The following LMAN1 variants were observed in gnomAD, a reference collection of about 807,000 sequenced individuals.
The protein encoded by LMAN1 is protein ERGIC-53.
Under a neutral mutation model 67.8 loss-of-function variants are expected in LMAN1, and 32 were observed. The observed-to-expected ratio is 0.47, with a 90% CI of 0.36 to 0.63. The LOEUF is 0.63. Among genes scored for constraint, LMAN1 ranks in the 30% least tolerant of loss-of-function variants. LMAN1 has a pLI of 0.00. For missense variants in LMAN1, 632 were observed against 628.2 expected, an observed-to-expected ratio of 1.01 and a Z score of -0.06; for synonymous variants, 235 against 219.3, an observed-to-expected ratio of 1.07 and a Z score of -0.63.
Position 59,329,735 on chromosome 18 carries a change from T to C in LMAN1, c.*1358A>G, listed in dbSNP as rs1355206741. ...TTAGGTCGTTAGCCCAATCTGTAAATGACATTTGAGAGCAAACCTAGGGAG... is the reference window on the plus strand; with the variant it reads ...TTAGGTCGTTAGCCCAATCTGTAAACGACATTTGAGAGCAAACCTAGGGAG... On this transcript the variant is annotated 3_prime_UTR_variant, in exon 13 of 13. Transcript: ENST00000251047. 2 of 152,126 alleles carry C rather than the reference T, an allele frequency of 1.3e-5. No individual in the cohort carries two copies. The highest frequency in any genetic ancestry group is 4.8e-5 in the African/African-American group (2 of 41,414). 9.4% of individuals were successfully genotyped at this position (152,126 alleles called of 1,614,324 possible).
chr18:59,331,193 G>C, intron 12 of LMAN1, 64 bp from the exon 13 acceptor site: 5 of 1,381,840 alleles, frequency 3.6e-6, no homozygotes, highest in Non-Finnish European at 4.1e-6. Flanking sequence ...AAAGAAACAG[G>C]ACTATTTAAA....
rs764842259 is a variant in LMAN1, at chr18:59,338,822, C to T, written c.1087G>A (p.Val363Ile). The T allele has an allele frequency of 5.0e-6, 8 of 1,614,048 alleles. No homozygotes were observed. Among genetic ancestry groups the T allele is most frequent in the South Asian group, 2.2e-5 (2 of 91,076 alleles). ...DMILDEQRRY[V>I]SSLTEEISKR... ...GAGATTTCCTCTGTTAAGGAAGAGA[C>T]ATATCTTCTCTGTTCATCAAGAATC... The change falls in exon 9 of 13, where the codon GTC (valine) becomes ATC (isoleucine). Residue 363 changes from valine to isoleucine, a missense_variant. By Grantham distance (29) the Val-to-Ile change is conservative (BLOSUM62 3). Transcript: ENST00000251047.
rs757682986 is a variant in LMAN1 at position 59,333,152 on chromosome 18, T to C, written c.1313A>G (p.Asp438Gly). ...TACTATGTGCAGGTGCTCTTTGATG[T>C]CAATGAAGTGCTGTGTTGTCTCATA... ...GVYETTQHFIDIKEHLHIVKR... is the reference protein window; with the variant it reads ...GVYETTQHFIGIKEHLHIVKR... Residue 438 changes from aspartate (D) to glycine (G), a missense_variant, in exon 11 of 13, where the codon GAC becomes GGC. Transcript: ENST00000251047. The C allele has an allele frequency of 1.9e-6, 3 of 1,613,666 alleles. No homozygotes were observed. Among genetic ancestry groups the C allele is most frequent in the Non-Finnish European group, 2.5e-6 (3 of 1,179,646 alleles).
chr18:59,336,531 G>C (rs1297665794), intron 10 of LMAN1, among the ~76,000 whole-genome samples: 1 of 152,186 alleles, frequency 6.6e-6, no homozygotes, highest in Non-Finnish European at 1.5e-5. Flanking sequence ...GGAGAGAAAA[G>C]ATAGTTGGTC....
intron 11 of LMAN1, 189 bp from the exon 12 acceptor site, chr18:59,331,728 G>A (rs947025659): frequency 1.7e-6 from 1 of 577,258 alleles, no homozygotes; most frequent in Non-Finnish European, 3.0e-6. Flanking sequence ...ACACTGGAAG[G>A]CCTCCACCTT....
At chr18:59,357,629 C>CT (rs1908689233) in intron 1 of LMAN1, among the ~76,000 whole-genome samples, 1 of 152,156 alleles carries the variant, frequency 6.6e-6, no homozygotes, top group African/African-American at 2.4e-5. Context: ...CTGCACTCTA[C>CT]TTCAACTACT....
intron 10 of LMAN1, among the ~76,000 whole-genome samples, chr18:59,337,358 T>A (rs1307003853): frequency 6.6e-6 from 1 of 151,972 alleles, no homozygotes; most frequent in Non-Finnish European, 1.5e-5. Flanking sequence ...AATAACTAAA[T>A]GTAATGTGCG....
chr18:59,332,888 A>G (rs755061385), intron 11 of LMAN1, among the ~76,000 whole-genome samples: 3 of 152,196 alleles, frequency 2.0e-5, no homozygotes, highest in Admixed American at 6.5e-5. Context: ...TTAAAAAACC[A>G]TGACTGCTAT....
chr18:59,345,501 T>C (rs917872894), intron 8 of LMAN1, among the ~76,000 whole-genome samples: 2 of 152,218 alleles, frequency 1.3e-5, no homozygotes, highest in African/African-American at 4.8e-5. Flanking sequence ...TATAAGGTAA[T>C]TATGTGTCAC....
At chr18:59,347,424 C>G (rs1439846154) in intron 7 of LMAN1, 89 bp downstream of exon 7, 2 of 722,330 alleles carry the variant, frequency 2.8e-6, no homozygotes, top group Non-Finnish European at 4.4e-6. Flanking sequence ...CTGGCAGAAA[C>G]AAGATCCAAA....
At chr18:59,354,110 T>A (rs1246255586) in intron 4 of LMAN1, among the ~76,000 whole-genome samples, 1 of 152,178 alleles carries the variant, frequency 6.6e-6, no homozygotes, top group Non-Finnish European at 1.5e-5. Flanking sequence ...AGTCTTTAAA[T>A]AACACAATAT....
chr18:59,336,875 C>A (rs191586677), intron 10 of LMAN1, among the ~76,000 whole-genome samples: 1 of 151,664 alleles, frequency 6.6e-6, no homozygotes, highest in African/African-American at 2.4e-5. Context: ...CAGAGCTAGA[C>A]CCTGTCTCAA....
intron 10 of LMAN1, among the ~76,000 whole-genome samples, chr18:59,335,949 T>C (rs1468253876): frequency 6.6e-6 from 1 of 152,248 alleles, no homozygotes; most frequent in East Asian, 1.9e-4. Flanking sequence ...AAATATGTTA[T>C]AGATACAGAT....
At chr18:59,344,263 C>T (rs539504468) in intron 8 of LMAN1, among the ~76,000 whole-genome samples, 8 of 152,236 alleles carry the variant, frequency 5.3e-5, no homozygotes, top group East Asian at 1.9e-4. Flanking sequence ...TTAGAATTAC[C>T]GTTTGATCCA....
rs769685709 is a variant in LMAN1, at chr18:59,359,033, C to T, written c.212G>A (p.Gly71Glu). Reference protein sequence around the residue: ...DGTVPFWAHAGNAIPSSDQIR... With the variant: ...DGTVPFWAHAENAIPSSDQIR... ...CCCAGCCCTCTGCTCCGGCTTACTCCCCGCGTGGGCCCAGAAGGGCACGGT... is the reference window on the plus strand; with the variant it reads ...CCCAGCCCTCTGCTCCGGCTTACTCTCCGCGTGGGCCCAGAAGGGCACGGT... Residue 71 changes from glycine to glutamate, a missense_variant and splice_region_variant, in exon 1 of 13, where the codon GGG becomes GAG. Transcript: ENST00000251047. 1.9e-6 allele frequency: 3 copies of T among 1,613,864 alleles called. No homozygotes were observed. The highest frequency in any genetic ancestry group is 1.7e-4 in the Middle Eastern group (1 of 6,042).
intron 10 of LMAN1, among the ~76,000 whole-genome samples, chr18:59,337,017 C>T (rs1383461771): frequency 6.6e-6 from 1 of 151,654 alleles, no homozygotes; most frequent in Non-Finnish European, 1.5e-5. Context: ...GAAATGGATA[C>T]TTACATAGTC....
At chr18:59,348,505 T>C (rs1908470674) in intron 6 of LMAN1, among the ~76,000 whole-genome samples, 1 of 152,238 alleles carries the variant, frequency 6.6e-6, no homozygotes, top group African/African-American at 2.4e-5. Context: ...CTTCCCTCCC[T>C]TCTTCTCTGG....
intron 8 of LMAN1, among the ~76,000 whole-genome samples, chr18:59,344,390 TA>T (rs1461465565): frequency 2.6e-5 from 4 of 152,124 alleles, no homozygotes; most frequent in Non-Finnish European, 5.9e-5. Context: ...GGAATCAACC[TA>T]AATGCCCATC....
In LMAN1 at chr18:59,355,519, A is replaced by T; in HGVS notation, c.354T>A (p.Ile118=). Residue 118 remains isoleucine (I), a synonymous_variant, in exon 2 of 13, where the codon ATT becomes ATA. Coordinates refer to ENST00000251047, the MANE Select transcript of LMAN1 (RefSeq NM_005570.4). ...VTFRVTGRGR[I]GADGLAIWYA... ...ATGATCATACTAGGCCATCAGCTCC[A>T]ATTCGACCTCTTCCAGTCACTCGAA... 1 of 1,614,106 alleles carries T rather than the reference A, an allele frequency of 6.2e-7. No homozygotes were observed. Among genetic ancestry groups the T allele is most frequent in the African/African-American group, 1.3e-5 (1 of 75,046 alleles).
Sources: allele counts gnomAD v4.1 joint callset (sites outside exome capture counted in the v4.1 genomes callset), GRCh38; gene constraint gnomAD v4.1.1; transcripts MANE v1.5; gene names NCBI Gene and HGNC (gene_info 2026-07-23, HGNC 2026-07-21).